Variants in AAK1 observed in about 807,000 individuals in gnomAD.
AAK1 encodes the protein AP2-associated protein kinase 1.
A neutral mutation model predicts 116.0 loss-of-function variants in AAK1; 37 were observed. That is an observed-to-expected ratio of 0.32 (90% CI 0.25 to 0.42). The LOEUF is 0.42. Among genes scored for constraint, AAK1 ranks in the 10% least tolerant of loss-of-function variants. AAK1 has a pLI of 1.00. For synonymous variants in AAK1, 458 were observed against 439.9 expected, an observed-to-expected ratio of 1.04 and a Z score of -0.51; for missense variants, 919 against 1,170.6, an observed-to-expected ratio of 0.79 and a Z score of 3.14.
chr2:69,609,711 C>G (rs1372862472), intron 2 of AAK1, among the ~76,000 whole-genome samples: 1 of 151,694 alleles, frequency 6.6e-6, no homozygotes, highest in Non-Finnish European at 1.5e-5. Flanking sequence ...CCTAAACCCA[C>G]ACGAAATCTC....
intron 2 of AAK1, among the ~76,000 whole-genome samples, chr2:69,637,604 A>G (rs141252218): frequency 2.6e-5 from 4 of 152,318 alleles, no homozygotes; most frequent in African/African-American, 9.6e-5. Flanking sequence ...TTCTATTATT[A>G]TCATTTTTTT....
Position 69,508,993 on chromosome 2 carries a change from T to C in AAK1, c.2006+238A>G, listed in dbSNP as rs181426532. 3.9e-5 allele frequency among the ~76,000 whole-genome samples: 6 copies of C among 152,272 alleles called. No individual in the cohort carries two copies. In the East Asian group the frequency reaches 1.2e-3, roughly 29 times the overall value. On this transcript the variant is annotated intron_variant, in intron 14 of 21. Coordinates refer to ENST00000409085, the MANE Select transcript of AAK1 (RefSeq NM_014911.5). ...GTGGGCCAAGTAGGAAAAGATTTCT[T>C]AAGATTAGTATGGCCCATGCACTAA...
intron 16 of AAK1, among the ~76,000 whole-genome samples, chr2:69,500,698 T>TATATATACACACACACACAC: frequency 4.6e-5 from 3 of 65,102 alleles, no homozygotes; most frequent in African/African-American, 2.4e-4. Flanking sequence ...TATATATATA[T>TATATATACACACACACACAC]ACACACACAC....
chr2:69,642,831 G>C (rs756043016), intron 2 of AAK1, 47 bp downstream of exon 2: 3 of 1,610,878 alleles, frequency 1.9e-6, no homozygotes, highest in Non-Finnish European at 2.5e-6. Flanking sequence ...CAGTATTGCC[G>C]CATCAGCACA....
chr2:69,589,757 G>A lies in AAK1; in HGVS notation c.164-32779C>T, dbSNP rs181704912. On this transcript the variant is annotated intron_variant, in intron 2 of 21. Coordinates refer to ENST00000409085, the MANE Select transcript of AAK1 (RefSeq NM_014911.5). ...AAGAAAGAAAGTAAAGGAGTATTGGGTCCGAAAAGCTGATGGAAGTGTCCT... is the reference window on the plus strand; with the variant it reads ...AAGAAAGAAAGTAAAGGAGTATTGGATCCGAAAAGCTGATGGAAGTGTCCT... 9.2e-5 allele frequency among the ~76,000 whole-genome samples: 14 copies of A among 151,514 alleles called. No individual in the cohort carries two copies. In the East Asian group the frequency reaches 2.1e-3, roughly 23 times the overall value.
chr2:69,507,378 A>C (rs1448883123), intron 15 of AAK1, 43 bp downstream of exon 15: 1 of 1,593,476 alleles, frequency 6.3e-7, no homozygotes, highest in South Asian at 1.1e-5. Context: ...TAGCACAGAG[A>C]ATCTATAATC....
At chr2:69,614,706 A>T (rs1257096090) in intron 2 of AAK1, among the ~76,000 whole-genome samples, 1 of 152,194 alleles carries the variant, frequency 6.6e-6, no homozygotes, top group Non-Finnish European at 1.5e-5. Flanking sequence ...TTGTAGGTGT[A>T]ATTAATTGAA....
chr2:69,578,036 C>A (rs116815441), intron 2 of AAK1, among the ~76,000 whole-genome samples: 1 of 152,280 alleles, frequency 6.6e-6, no homozygotes, highest in African/African-American at 2.4e-5. Flanking sequence ...ATTGCATTCT[C>A]CACCCCCTTC....
At chr2:69,631,347 C>T (rs1197565374) in intron 2 of AAK1, among the ~76,000 whole-genome samples, 1 of 152,210 alleles carries the variant, frequency 6.6e-6, no homozygotes, top group African/African-American at 2.4e-5. Flanking sequence ...GATTCAAGTC[C>T]TAGATGACAG....
intron 2 of AAK1, among the ~76,000 whole-genome samples, chr2:69,641,487 C>T (rs1013126205): frequency 5.3e-5 from 8 of 152,308 alleles, no homozygotes; most frequent in South Asian, 4.1e-4. Flanking sequence ...CCAGATAAAG[C>T]GCAGCTAGAA....
At chr2:69,637,322 T>A (rs941958313) in intron 2 of AAK1, among the ~76,000 whole-genome samples, 36 of 152,214 alleles carry the variant, frequency 2.4e-4, no homozygotes, top group Non-Finnish European at 7.4e-5. Flanking sequence ...CAGCGCAGCA[T>A]CTGCAGCTAT....
intron 2 of AAK1, among the ~76,000 whole-genome samples, chr2:69,581,177 G>A (rs539040792): frequency 1.3e-5 from 2 of 152,168 alleles, no homozygotes; most frequent in South Asian, 2.1e-4. Context: ...GCAGTGGCAC[G>A]ATCTCGGCTC....
At chr2:69,584,186 T>A (rs1185143252) in intron 2 of AAK1, among the ~76,000 whole-genome samples, 1 of 152,142 alleles carries the variant, frequency 6.6e-6, no homozygotes, top group Non-Finnish European at 1.5e-5. Context: ...CCCTACCCCC[T>A]TTAACAATCT....
Position 69,467,083 on chromosome 2 carries a change from G to A in AAK1, c.*8786C>T. 1 of 985,382 alleles carries A rather than the reference G, an allele frequency of 1.0e-6. No individual in the cohort carries two copies. The highest frequency in any genetic ancestry group is 1.2e-6 in the Non-Finnish European group (1 of 829,910). The allele number at this position is 985,382 out of a possible 1,614,324, so 61.0% of individuals were successfully genotyped here. A position where few individuals can be genotyped will look rare whatever the true frequency, so the allele number is the denominator to read the frequency against. On this transcript the variant is annotated 3_prime_UTR_variant, in exon 22 of 22. Coordinates refer to ENST00000409085, the MANE Select transcript of AAK1 (RefSeq NM_014911.5). ...GTTTACTTGATGACTTACATCACAAGCACTACTCAAAGAGCATACGAGTGC... is the reference window on the plus strand; with the variant it reads ...GTTTACTTGATGACTTACATCACAAACACTACTCAAAGAGCATACGAGTGC...
At chr2:69,635,810 A>C (rs1457098269) in intron 2 of AAK1, among the ~76,000 whole-genome samples, 3 of 152,222 alleles carry the variant, frequency 2.0e-5, no homozygotes, top group Non-Finnish European at 2.9e-5. Flanking sequence ...GTTGTCATTT[A>C]ATAGGTACAA....
chr2:69,482,702 T>C lies in AAK1; in HGVS notation c.2467+9A>G, dbSNP rs755277756. On this transcript the variant is annotated intron_variant, in intron 18 of 21. Transcript: ENST00000409085. ...TGCATGACTGAAGAAACAGAGATGA[T>C]GACTTTACCAATTACAGCATCAGAA... 3 of 1,589,496 alleles carry C rather than the reference T, an allele frequency of 1.9e-6. No individual in the cohort carries two copies. Among genetic ancestry groups the C allele is most frequent in the Non-Finnish European group, 2.6e-6 (3 of 1,157,704 alleles).
chr2:69,566,272 T>C (rs545758559), intron 2 of AAK1, among the ~76,000 whole-genome samples: 1 of 152,262 alleles, frequency 6.6e-6, no homozygotes, highest in Non-Finnish European at 1.5e-5. Context: ...CAAAGCTTTT[T>C]CCAGGAGAAA....
chr2:69,472,741 A>G lies in AAK1; in HGVS notation c.*3128T>C, dbSNP rs1475934053. 2.0e-6 allele frequency: 2 copies of G among 985,354 alleles called. No homozygotes were observed. Among genetic ancestry groups the G allele is most frequent in the Admixed American group, 1.2e-4 (2 of 16,272 alleles). 61.0% of individuals were successfully genotyped at this position (985,354 alleles called of 1,614,324 possible). A position where few individuals can be genotyped will look rare whatever the true frequency, so the allele number is the denominator to read the frequency against. On this transcript the variant is annotated 3_prime_UTR_variant, in exon 22 of 22. Coordinates refer to ENST00000409085, the MANE Select transcript of AAK1 (RefSeq NM_014911.5). ...AAAAGCAAATCAGAAACATATGCTT[A>G]TAGTATTTGCCCGTTTTAAACTGGT... is the stretch of plus-strand genomic sequence containing the variant.
At chr2:69,583,029 C>T (rs1477328316) in intron 2 of AAK1, among the ~76,000 whole-genome samples, 1 of 152,128 alleles carries the variant, frequency 6.6e-6, no homozygotes. Context: ...GTGAGAGATA[C>T]CAAAAGGCAA....
Sources: gnomAD v4.1 joint callset for allele counts (sites outside exome capture counted in the v4.1 genomes callset) on GRCh38, gnomAD v4.1.1 for gene constraint, MANE v1.5 for transcripts, NCBI Gene and HGNC (gene_info 2026-07-23, HGNC 2026-07-21) for gene names.